The following FRMD3 variants were observed in gnomAD, a reference collection of about 807,000 sequenced individuals.
FRMD3 encodes FERM domain containing 3, also known as FERM domain-containing protein 3.
A neutral mutation model predicts 70.2 loss-of-function variants in FRMD3; 33 were observed. The ratio of observed to expected loss-of-function variants is 0.47; its 90% CI spans 0.36 to 0.63. The LOEUF (loss-of-function observed/expected upper bound fraction) is 0.63. Among genes scored for constraint, FRMD3 ranks in the 20% least tolerant of loss-of-function variants. FRMD3 has a pLI of 0.00. For synonymous variants in FRMD3, 279 were observed against 255.9 expected (o/e 1.09, Z -0.86); for missense variants, 632 against 711.4 (o/e 0.89, Z 1.27).
chr9:83,301,492 T>C lies in FRMD3; in HGVS notation c.927-2306A>G, dbSNP rs1834925087. On this transcript the variant is annotated intron_variant, in intron 10 of 13. Coordinates refer to ENST00000304195, the MANE Select transcript of FRMD3 (RefSeq NM_174938.6). ...GTATGTGTTTTTTTTTAATTCCAAG[T>C]TCCTAAAGATCCTTGGGACAAAGTG... Among the ~76,000 whole-genome samples, 3 of 150,824 alleles carry C rather than the reference T, an allele frequency of 2.0e-5. No homozygotes were observed. The South Asian group carries it at 6.3e-4, about 32-fold the overall frequency.
intron 1 of FRMD3, among the ~76,000 whole-genome samples, chr9:83,507,691 CATAT>C (rs34251863): frequency 0.028 from 1,365 of 49,148 alleles, 75 homozygotes; most frequent in East Asian, 0.079. Context: ...AATATACATA[CATAT>C]ATATATATAT....
At chr9:83,439,007 A>G (rs1446414380) in intron 1 of FRMD3, among the ~76,000 whole-genome samples, 1 of 152,192 alleles carries the variant, frequency 6.6e-6, no homozygotes, top group East Asian at 1.9e-4. Context: ...CTGCACCTCC[A>G]TACCCATGTG....
rs1253467841 is a variant in FRMD3, at chr9:83,527,124, A to G, written c.147+10961T>C. Among the ~76,000 whole-genome samples, 3 of 152,238 alleles carry G rather than the reference A, an allele frequency of 2.0e-5. No homozygotes were observed. The East Asian group carries it at 5.8e-4, about 29-fold the overall frequency. On this transcript the variant is annotated intron_variant, in intron 1 of 13. Transcript: ENST00000304195. ...CACAATGACTTGTTTGTGCCGAGAT[A>G]TTGCCAGAGCTTTTCAGAAATACCA...
rs751285577 is a variant in FRMD3, at chr9:83,343,284, G to C, written c.378C>G (p.Tyr126Ter). ...CCCTTTTAATCTGAAGGTATAAAAG[G>C]TATCTGCAATACAAAAGGAGAAATG... is the stretch of plus-strand genomic sequence containing the variant. The part of the protein sequence containing the change: ...PLKIKEELTR[Y>*]LLYLQIKRDI... The change falls in exon 5 of 14, where the codon TAC becomes TAG. Residue 126 changes from tyrosine to a stop codon, truncating the protein, a stop_gained. Coordinates refer to ENST00000304195, the MANE Select transcript of FRMD3 (RefSeq NM_174938.6). LOFTEE classifies it high-confidence loss of function. The C allele has an allele frequency of 6.2e-7, 1 of 1,606,924 alleles. No individual in the cohort carries two copies. The highest frequency in any genetic ancestry group is 8.5e-7 in the Non-Finnish European group (1 of 1,173,512).
At chr9:83,504,346 G>A (rs1829136381) in intron 1 of FRMD3, among the ~76,000 whole-genome samples, 1 of 152,140 alleles carries the variant, frequency 6.6e-6, no homozygotes, top group Non-Finnish European at 1.5e-5. Flanking sequence ...TCTCAACAGA[G>A]CAAGTGCATG....
intron 3 of FRMD3, among the ~76,000 whole-genome samples, chr9:83,367,742 A>G (rs575824028): frequency 6.6e-6 from 1 of 152,216 alleles, no homozygotes; most frequent in Non-Finnish European, 1.5e-5. Context: ...AATAGTTATA[A>G]TACTACTCAA....
chr9:83,533,691 A>G (rs1829834163), intron 1 of FRMD3, among the ~76,000 whole-genome samples: 1 of 152,216 alleles, frequency 6.6e-6, no homozygotes, highest in Admixed American at 6.5e-5. Context: ...GCACTATTCT[A>G]AATATCAGGG....
chr9:83,356,584 T>C (rs907756167), intron 3 of FRMD3, among the ~76,000 whole-genome samples: 2 of 151,736 alleles, frequency 1.3e-5, no homozygotes, highest in East Asian at 1.9e-4. Context: ...CCAGCAGCTT[T>C]TTTTTTTTCT....
chr9:83,479,706 A>AAG (rs773650177), intron 1 of FRMD3, among the ~76,000 whole-genome samples: 820 of 81,230 alleles, frequency 0.01, 12 homozygotes, highest in East Asian at 0.025. Context: ...GAAAGAAAGA[A>AAG]AGAAAGAAAG....
At chr9:83,523,240 G>C (rs79329744) in intron 1 of FRMD3, among the ~76,000 whole-genome samples, 2,834 of 152,154 alleles carry the variant, frequency 0.019, 91 homozygotes, top group African/African-American at 0.063. Flanking sequence ...GGATGGAAGA[G>C]TGGATGAGTG....
At chr9:83,485,032 C>T (rs531352977) in intron 1 of FRMD3, among the ~76,000 whole-genome samples, 3 of 152,306 alleles carry the variant, frequency 2.0e-5, no homozygotes, top group Admixed American at 6.5e-5. Flanking sequence ...CCAAAGGCCT[C>T]GGCCAGAGAA....
chr9:83,246,187 A>G lies in FRMD3; in HGVS notation c.*1731T>C, dbSNP rs2118462761. The stretch of plus-strand genomic sequence containing the variant: ...TGATAGGGTTGGAATGTCATTAGCT[A>G]GAGAGAGCGATTCCAAGTGGGCCCT... On this transcript the variant is annotated 3_prime_UTR_variant, in exon 14 of 14. Coordinates refer to ENST00000304195, the MANE Select transcript of FRMD3 (RefSeq NM_174938.6). The G allele has an allele frequency of 1.0e-6, 1 of 985,198 alleles. No individual in the cohort carries two copies. The highest frequency in any genetic ancestry group is 1.7e-5 in the African/African-American group (1 of 57,344). The allele number at this position is 985,198 out of a possible 1,614,324, so 61.0% of individuals were successfully genotyped here.
At chr9:83,405,385 C>A (rs1466755945) in intron 1 of FRMD3, among the ~76,000 whole-genome samples, 1 of 152,136 alleles carries the variant, frequency 6.6e-6, no homozygotes, top group Non-Finnish European at 1.5e-5. Flanking sequence ...CCACTTACAT[C>A]TGAACCCAAT....
At position 83,404,631 on chromosome 9, in the gene FRMD3, TAGAC is replaced by T. The variant is rs562941347; in HGVS notation, c.148-14927_148-14924del. 4.1e-3 allele frequency among the ~76,000 whole-genome samples: 631 copies of T among 152,138 alleles called. 3 individuals carry two copies. The highest frequency in any genetic ancestry group is 0.014 in the African/African-American group (580 of 41,498). On this transcript the variant is annotated intron_variant, in intron 1 of 13. Coordinates refer to ENST00000304195, the MANE Select transcript of FRMD3 (RefSeq NM_174938.6). ...AAGACAAATATAAAATGAAAAAAAATAGACAGAATAAACCATTTTTGTAAAACTC... is the reference window on the plus strand; with the variant it reads ...AAGACAAATATAAAATGAAAAAAAATAGAATAAACCATTTTTGTAAAACTC...
chr9:83,360,942 G>A (rs1228011694), intron 3 of FRMD3, among the ~76,000 whole-genome samples: 2 of 152,170 alleles, frequency 1.3e-5, no homozygotes, highest in Non-Finnish European at 2.9e-5. Flanking sequence ...TTAACTTTCT[G>A]GGAGAAGGAT....
In FRMD3 at chr9:83,538,048, G is replaced by A; in HGVS notation, c.147+37C>T. 1 of 1,605,180 alleles carries A rather than the reference G, an allele frequency of 6.2e-7. No individual in the cohort carries two copies. Among genetic ancestry groups the A allele is most frequent in the Non-Finnish European group, 8.5e-7 (1 of 1,174,186 alleles). ...GCAAAGGCCCCCCGCCCTGCTCCCGGCGTGTGCCCCGCGCCCTCGCCCGGT... is the reference window on the plus strand; with the variant it reads ...GCAAAGGCCCCCCGCCCTGCTCCCGACGTGTGCCCCGCGCCCTCGCCCGGT... On this transcript the variant is annotated intron_variant, in intron 1 of 13. Transcript: ENST00000304195. This position sits in a 1 kb window ranked among gnomAD's most constrained non-coding sequence, Gnocchi z 4.7.
intron 1 of FRMD3, among the ~76,000 whole-genome samples, chr9:83,444,012 T>G (rs1361792892): frequency 6.6e-6 from 1 of 152,360 alleles, no homozygotes; most frequent in South Asian, 2.1e-4. Flanking sequence ...CAATTATATT[T>G]CTTTTATTTT....
chr9:83,254,700 C>T (rs1488861890), intron 13 of FRMD3, among the ~76,000 whole-genome samples: 1 of 151,996 alleles, frequency 6.6e-6, no homozygotes, highest in African/African-American at 2.4e-5. Flanking sequence ...GGGATATCAC[C>T]ACTGACCCCA....
chr9:83,535,924 C>T (rs1005148495), intron 1 of FRMD3, among the ~76,000 whole-genome samples: 2 of 152,132 alleles, frequency 1.3e-5, no homozygotes, highest in African/African-American at 2.4e-5. Context: ...GGTTTTGTTT[C>T]GCATTGTTTT....
Sources: allele counts gnomAD v4.1 joint callset (sites outside exome capture counted in the v4.1 genomes callset), GRCh38; gene constraint gnomAD v4.1.1; non-coding constraint Gnocchi (gnomAD v3.1); transcripts MANE v1.5; gene names NCBI Gene and HGNC (gene_info 2026-07-23, HGNC 2026-07-21).